The following GPC4 variants were observed in gnomAD, a reference collection of about 807,000 sequenced individuals.
The protein encoded by GPC4 is glypican-4.
A neutral mutation model predicts 35.0 loss-of-function variants in GPC4; 10 were observed. The observed-to-expected ratio is 0.29, with a 90% CI of 0.18 to 0.48. The LOEUF (loss-of-function observed/expected upper bound fraction) is 0.48, where lower values mean the gene tolerates loss of function less well. Ranked by LOEUF, GPC4 falls within the 20% of genes least tolerant of loss-of-function variation. The probability of loss-of-function intolerance (pLI) is 0.99; values close to 1 mark genes in which losing one functional copy is unlikely to be tolerated. For synonymous variants in GPC4, 167 were observed against 170.2 expected (o/e 0.98, Z 0.15); for missense variants, 322 against 451.3 (o/e 0.71, Z 2.60).
At chrX:133,310,206 A>G (rs2068308931) in intron 4 of GPC4, among the ~76,000 whole-genome samples, 2 of 111,713 alleles carry the variant, frequency 1.8e-5, no homozygotes, top group Non-Finnish European at 3.8e-5. Flanking sequence ...AGAATACTGC[A>G]TACATGTTCC....
At chrX:133,413,795 G>C (rs1390862925) in intron 1 of GPC4, among the ~76,000 whole-genome samples, 3 of 112,233 alleles carry the variant, frequency 2.7e-5, no homozygotes, top group Non-Finnish European at 5.6e-5. Flanking sequence ...GTGCGACCCG[G>C]AGGGGACCCG....
chrX:133,334,143 A>G (rs770004914), intron 2 of GPC4, among the ~76,000 whole-genome samples: 1 of 111,988 alleles, frequency 8.9e-6, no homozygotes, highest in Non-Finnish European at 1.9e-5. Flanking sequence ...ACGGGCATAT[A>G]AATTTTAATG....
intron 3 of GPC4, among the ~76,000 whole-genome samples, 162 bp downstream of exon 3, chrX:133,323,983 G>A (rs2068378669): frequency 8.9e-6 from 1 of 111,998 alleles, no homozygotes; most frequent in Non-Finnish European, 1.9e-5. Context: ...AAATGTACAC[G>A]TGTAAGGACA....
At chrX:133,394,396 T>C (rs2068733290) in intron 1 of GPC4, among the ~76,000 whole-genome samples, 1 of 111,251 alleles carries the variant, frequency 9.0e-6, no homozygotes, top group Non-Finnish European at 1.9e-5. Context: ...AAAACATTTA[T>C]CCTATGATAA....
intron 1 of GPC4, among the ~76,000 whole-genome samples, chrX:133,411,035 T>A (rs1022352450): frequency 8.9e-6 from 1 of 112,249 alleles, no homozygotes; most frequent in Non-Finnish European, 1.9e-5. Context: ...ACATGCTGTG[T>A]GTCATATATA....
At chrX:133,330,807 G>A (rs1312527003) in intron 2 of GPC4, among the ~76,000 whole-genome samples, 1 of 110,777 alleles carries the variant, frequency 9.0e-6, no homozygotes, top group Non-Finnish European at 1.9e-5. Context: ...GCCAGGCATG[G>A]TGCTGCATGC....
intron 1 of GPC4, among the ~76,000 whole-genome samples, chrX:133,342,332 C>T (rs1298210334): frequency 1.8e-5 from 2 of 111,233 alleles, no homozygotes; most frequent in African/African-American, 3.3e-5. Flanking sequence ...CCACCATGCC[C>T]GGCCTGCAAT....
chrX:133,319,506 C>T (rs181919370), intron 3 of GPC4, among the ~76,000 whole-genome samples: 26 of 95,131 alleles, frequency 2.7e-4, no homozygotes, highest in African/African-American at 5.2e-4. Flanking sequence ...TCTTTGTAGA[C>T]GAGGTGGCTG....
In GPC4 at chrX:133,304,852, C is replaced by T. The variant is rs779300751; in HGVS notation, c.1165G>A (p.Val389Ile). 6.6e-5 allele frequency: 80 copies of T among 1,208,010 alleles called. No individual in the cohort carries two copies. Among genetic ancestry groups the T allele is most frequent in the Non-Finnish European group, 8.5e-5 (76 of 893,547 alleles). ...GTSLDRLVTD[V>I]KEKLKQAKKF... ...TTGGCCTGTTTCAGTTTCTCCTTGA[C>T]ATCAGTAACCTAATTATGAAACAAC... Residue 389 changes from valine (V) to isoleucine (I), a missense_variant, in exon 7 of 9, where the codon GTC (valine) becomes ATC (isoleucine). Around this residue, in one of 3 missense-constraint regions of GPC4, gnomAD observed 163 missense variants for 277.2 expected, o/e 0.59. Coordinates refer to ENST00000370828, the MANE Select transcript of GPC4 (RefSeq NM_001448.3).
intron 1 of GPC4, among the ~76,000 whole-genome samples, chrX:133,354,694 G>A (rs927544882): frequency 5.7e-5 from 6 of 105,701 alleles, no homozygotes; most frequent in African/African-American, 1.4e-4. Context: ...TCAGCCTCCC[G>A]AGTAGCTGGG....
intron 1 of GPC4, among the ~76,000 whole-genome samples, chrX:133,354,717 C>T (rs868063466): frequency 1.3e-4 from 14 of 106,158 alleles, no homozygotes; most frequent in South Asian, 4.3e-4. Flanking sequence ...TACAGGCGCC[C>T]GCCACCGCGC....
At chrX:133,392,125 C>T (rs2068722495) in intron 1 of GPC4, among the ~76,000 whole-genome samples, 1 of 108,483 alleles carries the variant, frequency 9.2e-6, no homozygotes, top group Non-Finnish European at 1.9e-5. Context: ...CCCAGTTACT[C>T]AGGAGGCTAA....
chrX:133,400,339 G>A (rs1303015883), intron 1 of GPC4, among the ~76,000 whole-genome samples: 1 of 112,269 alleles, frequency 8.9e-6, no homozygotes, highest in African/African-American at 3.2e-5. Flanking sequence ...GGCCTTATAG[G>A]CCCATAATGT....
intron 1 of GPC4, among the ~76,000 whole-genome samples, chrX:133,364,772 T>C (rs1287850790): frequency 1.8e-5 from 2 of 112,294 alleles, no homozygotes; most frequent in Non-Finnish European, 3.8e-5. Context: ...CAACAAATTA[T>C]TCCAAAGATA....
intron 1 of GPC4, among the ~76,000 whole-genome samples, chrX:133,387,827 C>T (rs1331347876): frequency 8.9e-6 from 1 of 111,835 alleles, no homozygotes; most frequent in Non-Finnish European, 1.9e-5. Flanking sequence ...TAGTGCAGCA[C>T]CGATAGGGCT....
intron 1 of GPC4, among the ~76,000 whole-genome samples, chrX:133,390,980 G>C (rs897474755): frequency 2.7e-5 from 3 of 111,348 alleles, no homozygotes; most frequent in African/African-American, 9.8e-5. Context: ...ACTTAGAATA[G>C]GAAAAAAGAA....
chrX:133,406,191 G>A (rs780975770), intron 1 of GPC4, among the ~76,000 whole-genome samples: 1 of 112,546 alleles, frequency 8.9e-6, no homozygotes, highest in East Asian at 2.8e-4. Context: ...TGACAGCAAG[G>A]CTGGATTCTG....
chrX:133,348,309 T>C (rs1189443984), intron 1 of GPC4, among the ~76,000 whole-genome samples: 1 of 112,555 alleles, frequency 8.9e-6, no homozygotes, highest in African/African-American at 3.2e-5. Context: ...TGACCTTGTG[T>C]TGCCATCACT....
chrX:133,373,902 A>G (rs1198173674), intron 1 of GPC4, among the ~76,000 whole-genome samples: 4 of 111,043 alleles, frequency 3.6e-5, no homozygotes, highest in Admixed American at 9.6e-5. Flanking sequence ...GGGCCCTCAA[A>G]ACATCACTCC....
Sources: allele counts gnomAD v4.1 joint callset (sites outside exome capture counted in the v4.1 genomes callset), GRCh38; gene constraint gnomAD v4.1.1; regional missense constraint gnomAD v4.1.1; transcripts MANE v1.5; gene names NCBI Gene and HGNC (gene_info 2026-07-23, HGNC 2026-07-21).